The following LMO2 variants were observed in gnomAD, a reference collection of about 807,000 sequenced individuals.
LMO2 encodes LIM domain only 2.
Under a neutral mutation model 23.2 loss-of-function variants are expected in LMO2, and 20 were observed. The ratio of observed to expected loss-of-function variants is 0.86; its 90% confidence interval spans 0.61 to 1.25. The LOEUF (loss-of-function observed/expected upper bound fraction) is 1.25, where lower values mean the gene tolerates loss of function less well. Among genes scored for constraint, LMO2 ranks in the 50% most tolerant of loss-of-function variants. The pLI is 0.00. For synonymous variants in LMO2, 123 were observed against 130.2 expected (o/e 0.94, Z 0.38); for missense variants, 270 against 315.3 (o/e 0.86, Z 1.09).
intron 2 of LMO2, chr11:33,870,223 C>A: frequency 2.0e-6 from 1 of 507,016 alleles, no homozygotes; most frequent in Non-Finnish European, 2.6e-6. Flanking sequence ...TGGGCAACCA[C>A]TAAATCATTC....
chr11:33,869,257 C>T, intron 4 of LMO2, 89 bp downstream of exon 4: 1 of 992,416 alleles, frequency 1.0e-6, no homozygotes, highest in Non-Finnish European at 1.2e-6. Context: ...CACCTGGAGC[C>T]CCCTCGCGGG....
intron 2 of LMO2, among the ~76,000 whole-genome samples, chr11:33,873,000 C>A (rs368763565): frequency 2.6e-5 from 4 of 151,924 alleles, no homozygotes; most frequent in African/African-American, 9.7e-5. Context: ...TGACCTCAGG[C>A]GGTCCATCTG....
At chr11:33,870,070 C>CT (rs10608793) in intron 2 of LMO2, 83 bp from the exon 3 acceptor site, 11,022 of 238,086 alleles carry the variant, frequency 0.046, 483 homozygotes, top group African/African-American at 0.15. Context: ...TTTTTTCTTC[C>CT]TTTTTTTTTT....
chr11:33,869,573 A>G lies in LMO2; in HGVS notation c.21T>C (p.Thr7=). 7.7e-7 allele frequency: 1 copy of G among 1,295,648 alleles called. No homozygotes were observed. The highest frequency in any genetic ancestry group is 9.9e-7 in the Non-Finnish European group (1 of 1,008,874). 80.3% of individuals were successfully genotyped at this position (1,295,648 alleles called of 1,614,324 possible). The change falls in exon 4 of 6, where the codon ACT becomes ACC. Residue 7 remains threonine, a synonymous_variant. Coordinates refer to ENST00000257818, the MANE Select transcript of LMO2 (RefSeq NM_005574.4). The part of the protein sequence containing the change: MEGSAV[T]VLERGGASSP... ...AGCTCGCCCCTCCGCGCTCAAGGACAGTCACCGCGCTCCCTTCAAACGCCA... is the reference window on the plus strand; with the variant it reads ...AGCTCGCCCCTCCGCGCTCAAGGACGGTCACCGCGCTCCCTTCAAACGCCA...
rs536668554 is a variant in LMO2, at chr11:33,864,409, T to C, written c.464+193A>G. On this transcript the variant is annotated intron_variant, in intron 5 of 5. Coordinates refer to ENST00000257818, the MANE Select transcript of LMO2 (RefSeq NM_005574.4). The surrounding 1 kb of genome is among the most constrained non-coding windows in gnomAD (Gnocchi z 4.8). ...ACATAGGAACGTAACCCTGAGAACA[T>C]GCTTCTCAAACAGGAAGAAATGCCC... Among the ~76,000 whole-genome samples the C allele has an allele frequency of 6.6e-6, 1 of 152,308 alleles. No individual in the cohort carries two copies. The highest frequency in any genetic ancestry group is 1.9e-4 in the East Asian group (1 of 5,182).
At chr11:33,875,309 G>A (rs1016622563) in intron 2 of LMO2, among the ~76,000 whole-genome samples, 5 of 152,192 alleles carry the variant, frequency 3.3e-5, no homozygotes, top group Admixed American at 2.6e-4. Context: ...CGGGCGAGGT[G>A]GCTCACGCCT....
At position 33,864,777 on chromosome 11, in the gene LMO2, G is replaced by A. The variant is rs1429895836; in HGVS notation, c.289C>T (p.Leu97=). 1 of 1,613,840 alleles carries A rather than the reference G, an allele frequency of 6.2e-7. No homozygotes were observed. The highest frequency in any genetic ancestry group is 8.5e-7 in the Non-Finnish European group (1 of 1,180,040). Reference sequence around the variant, plus strand: ...TTCTGCTGGCAGCCGCCGCATGTCAGCAGGGATGGGGGGATCTGCAGCACC... The same window carrying A: ...TTCTGCTGGCAGCCGCCGCATGTCAACAGGGATGGGGGGATCTGCAGCACC... ...DEVLQIPPSL[L]TCGGCQQNIG... is the part of the protein sequence containing the mutation. Residue 97 remains leucine, a synonymous_variant, in exon 5 of 6, where the codon CTG becomes TTG. Coordinates refer to ENST00000257818, the MANE Select transcript of LMO2 (RefSeq NM_005574.4). The surrounding 1 kb of genome is among the most constrained non-coding windows in gnomAD (Gnocchi z 4.8).
chr11:33,877,461 CTTTTTTTTTT>C (rs398015741), intron 2 of LMO2, among the ~76,000 whole-genome samples: 1 of 104,420 alleles, frequency 9.6e-6, no homozygotes, highest in Non-Finnish European at 1.8e-5. Flanking sequence ...TCTCCAGATT[CTTTTTTTTTT>C]TTTTTTTTTT....
intron 2 of LMO2, among the ~76,000 whole-genome samples, chr11:33,871,422 G>T (rs1328096897): frequency 6.6e-6 from 1 of 151,818 alleles, no homozygotes; most frequent in Non-Finnish European, 1.5e-5. Context: ...AAAATAATTA[G>T]CTGGGCGTGG....
intron 2 of LMO2, among the ~76,000 whole-genome samples, chr11:33,872,061 CG>C (rs1857037462): frequency 6.6e-6 from 1 of 152,088 alleles, no homozygotes; most frequent in South Asian, 2.1e-4. Context: ...GAGGCCGAGG[CG>C]GGTGGATCAC....
At chr11:33,859,894 A>C (rs1856507145) in intron 5 of LMO2, among the ~76,000 whole-genome samples, 1 of 152,148 alleles carries the variant, frequency 6.6e-6, no homozygotes, top group Admixed American at 6.5e-5. Context: ...GTGATCTATC[A>C]TAAGGAGTTA....
chr11:33,862,120 C>G (rs1856604260), intron 5 of LMO2, among the ~76,000 whole-genome samples: 1 of 152,176 alleles, frequency 6.6e-6, no homozygotes, highest in Admixed American at 6.5e-5. Flanking sequence ...GAGGCATTCT[C>G]AGGAAAAACC....
chr11:33,880,223 C>T lies in LMO2; in HGVS notation c.-272+1601G>A, dbSNP rs938516779. Among the ~76,000 whole-genome samples, 2 of 148,206 alleles carry T rather than the reference C, an allele frequency of 1.3e-5. No homozygotes were observed. Among genetic ancestry groups the T allele is most frequent in the East Asian group, 2.1e-4 (1 of 4,760 alleles). ...ACACATGATATATATATCATATATA[C>T]ACATGATATATATATCATATATACA... On this transcript the variant is annotated intron_variant, in intron 2 of 5. Coordinates refer to ENST00000257818, the MANE Select transcript of LMO2 (RefSeq NM_005574.4). The surrounding 1 kb of genome is among the most constrained non-coding windows in gnomAD (Gnocchi z 4.3).
chr11:33,891,346 A>ACAC (rs1857541296), intron 1 of LMO2, among the ~76,000 whole-genome samples: 1 of 124,944 alleles, frequency 8.0e-6, no homozygotes. Context: ...TTGTTAGGCA[A>ACAC]ACACACACAC....
intron 1 of LMO2, among the ~76,000 whole-genome samples, chr11:33,887,818 C>T (rs1183147579): frequency 2.6e-5 from 4 of 152,160 alleles, no homozygotes; most frequent in Non-Finnish European, 5.9e-5. Flanking sequence ...AAGCCATCTG[C>T]CCGCCTTGGC....
At chr11:33,870,456 G>T in intron 2 of LMO2, 3 of 986,232 alleles carry the variant, frequency 3.0e-6, no homozygotes, top group African/African-American at 1.7e-5. Flanking sequence ...CGGGCTGCGG[G>T]CTACGGGCTG....
At chr11:33,886,134 T>A (rs1857401300) in intron 1 of LMO2, among the ~76,000 whole-genome samples, 1 of 152,166 alleles carries the variant, frequency 6.6e-6, no homozygotes, top group Non-Finnish European at 1.5e-5. Context: ...TGCCTTGGCC[T>A]CCCAAAGTGC....
chr11:33,874,191 G>A (rs2133704458), intron 2 of LMO2, among the ~76,000 whole-genome samples: 1 of 152,188 alleles, frequency 6.6e-6, no homozygotes, highest in South Asian at 2.1e-4. Flanking sequence ...AACATTTCAG[G>A]GCCAGCTGAC....
At chr11:33,859,827 A>G (rs984559907) in intron 5 of LMO2, among the ~76,000 whole-genome samples, 1 of 152,146 alleles carries the variant, frequency 6.6e-6, no homozygotes, top group African/African-American at 2.4e-5. Flanking sequence ...GCAACCGCTC[A>G]TCATTCCCCT....
Sources: allele counts gnomAD v4.1 joint callset (sites outside exome capture counted in the v4.1 genomes callset), GRCh38; gene constraint gnomAD v4.1.1; non-coding constraint Gnocchi (gnomAD v3.1); transcripts MANE v1.5; gene names NCBI Gene and HGNC (gene_info 2026-07-23, HGNC 2026-07-21).